The following COPA variants were observed in gnomAD, a reference collection of about 807,000 sequenced individuals.
COPA encodes the protein coat protein complex I subunit alpha.
COPA carries 10 observed loss-of-function variants against 158.7 expected under a neutral mutation model. The observed-to-expected ratio is 0.06, with a 90% CI of 0.04 to 0.11. COPA has a LOEUF of 0.11. Ranked by LOEUF, COPA falls within the 10% of genes least tolerant of loss-of-function variation. The probability of loss-of-function intolerance (pLI) is 1.00; values close to 1 mark genes in which losing one functional copy is unlikely to be tolerated. For missense variants in COPA, 1,065 were observed against 1,536.7 expected (o/e 0.69, Z 5.13); for synonymous variants, 462 against 542.8 (o/e 0.85, Z 2.07).
intron 15 of COPA, 91 bp from the exon 16 acceptor site, chr1:160,305,864 A>C: frequency 2.0e-6 from 2 of 997,246 alleles, no homozygotes; most frequent in Non-Finnish European, 3.2e-6. Flanking sequence ...TAATTAATGT[A>C]AACCCCAATT....
intron 25 of COPA, among the ~76,000 whole-genome samples, chr1:160,293,951 A>G (rs1426045370): frequency 6.6e-6 from 1 of 152,224 alleles, no homozygotes; most frequent in Admixed American, 6.5e-5. Flanking sequence ...ACAAAATGAC[A>G]TATCAAAAAC....
chr1:160,299,867 T>C (rs1202098656), intron 17 of COPA, among the ~76,000 whole-genome samples: 1 of 151,910 alleles, frequency 6.6e-6, no homozygotes, highest in Non-Finnish European at 1.5e-5. Context: ...AAGAAAATAA[T>C]GAAGCCAATA....
Position 160,305,716 on chromosome 1 carries a change from C to G in COPA, c.1500G>C (p.Met500Ile), listed in dbSNP as rs753713949. ...KVKYVIWSAD[M>I]SHVALLAKHA... ...GTTTGGCTAGTAGTGCTACATGTGA[C>G]ATGTCTGCTGACCAGATAACGTATT... Residue 500 changes from methionine to isoleucine, a missense_variant, in exon 16 of 33, where the codon ATG (methionine) becomes ATC (isoleucine). Around this residue, in one of 2 missense-constraint regions of COPA, gnomAD observed 980 missense variants for 1,357.8 expected, o/e 0.72. Coordinates refer to ENST00000241704, the MANE Select transcript of COPA (RefSeq NM_004371.4). The G allele has an allele frequency of 6.2e-7, 1 of 1,614,178 alleles. No homozygotes were observed. The highest frequency in any genetic ancestry group is 1.1e-5 in the South Asian group (1 of 91,076).
At chr1:160,326,922 C>A (rs1265279833) in intron 6 of COPA, among the ~76,000 whole-genome samples, 5 of 152,144 alleles carry the variant, frequency 3.3e-5, no homozygotes, top group Non-Finnish European at 5.9e-5. Flanking sequence ...ACATATATGG[C>A]TCAAGTAAAT....
Position 160,292,456 on chromosome 1 carries a change from G to T in COPA, c.2960+28C>A, listed in dbSNP as rs376445348. 19 of 1,612,882 alleles carry T rather than the reference G, an allele frequency of 1.2e-5. No homozygotes were observed. The African/African-American group carries it at 2.0e-4, about 17-fold the overall frequency. Reference sequence around the variant, plus strand: ...GAAATATCGACCACAACTTGGAACAGATGAAAGCAAAGAGAAAAGGGCCTT... The same window carrying T: ...GAAATATCGACCACAACTTGGAACATATGAAAGCAAAGAGAAAAGGGCCTT... On this transcript the variant is annotated intron_variant, in intron 28 of 32. Transcript: ENST00000241704.
rs74125578 is a variant in COPA, at chr1:160,311,939, A to G, written c.1005T>C (p.Tyr335=). 3,483 of 1,614,112 alleles carry G rather than the reference A, an allele frequency of 2.2e-3. 70 individuals carry two copies. The African/African-American group carries it at 0.04, about 18-fold the overall frequency. ...GCTGTCGTAAGAATCGGTCCTTGAC[A>G]TAGTGTAGCATATTGCCATGAACAG... ...AYAVHGNMLH[Y]VKDRFLRQLD... Residue 335 remains tyrosine, a synonymous_variant, in exon 11 of 33, where the codon TAT becomes TAC. Coordinates refer to ENST00000241704, the MANE Select transcript of COPA (RefSeq NM_004371.4).
At chr1:160,342,737 G>A (rs997316343) in intron 1 of COPA, among the ~76,000 whole-genome samples, 2 of 152,160 alleles carry the variant, frequency 1.3e-5, no homozygotes, top group African/African-American at 4.8e-5. Context: ...ACTGACTCGG[G>A]TGCGAGTAAC....
intron 2 of COPA, 45 bp downstream of exon 2, chr1:160,340,136 T>C: frequency 6.6e-7 from 1 of 1,509,006 alleles, no homozygotes; most frequent in Non-Finnish European, 9.2e-7. Flanking sequence ...CCCAGGATAT[T>C]ATAAATACTT....
chr1:160,333,279 C>G (rs1330832245), intron 5 of COPA, among the ~76,000 whole-genome samples: 2 of 152,216 alleles, frequency 1.3e-5, no homozygotes, highest in African/African-American at 4.8e-5. Context: ...ATGTAAAGCT[C>G]CAGCTCCAAA....
Position 160,299,114 on chromosome 1 carries a change from T to G in COPA, c.1818A>C (p.Arg606Ser). ...EFKFKLALIN[R>S]KYDEVLHMVR... ...CCTCACTTCATACCTCATCATATTT[T>G]CTGTTGATCAGGGCCAGCTTGAATT... is the stretch of plus-strand genomic sequence containing the variant. Residue 606 changes from arginine (R) to serine (S), a missense_variant, in exon 18 of 33, where the codon AGA becomes AGC. Coordinates refer to ENST00000241704, the MANE Select transcript of COPA (RefSeq NM_004371.4). 1 of 1,614,096 alleles carries G rather than the reference T, an allele frequency of 6.2e-7. No individual in the cohort carries two copies. The highest frequency in any genetic ancestry group is 8.5e-7 in the Non-Finnish European group (1 of 1,179,958).
At chr1:160,312,070 A>C (rs751877102) in intron 10 of COPA, 52 bp from the exon 11 acceptor site, 4 of 1,591,410 alleles carry the variant, frequency 2.5e-6, no homozygotes, top group Non-Finnish European at 1.7e-6. Flanking sequence ...CAAGAAAAAA[A>C]CCTGGAAATT....
At chr1:160,330,764 CCAAA>C (rs1438374755) in intron 6 of COPA, among the ~76,000 whole-genome samples, 3 of 152,142 alleles carry the variant, frequency 2.0e-5, no homozygotes, top group African/African-American at 4.8e-5. Flanking sequence ...TTACAAAGAA[CCAAA>C]CAAAGATCTA....
Position 160,290,090 on chromosome 1 carries a change from A to C in COPA, c.*67T>G. ...AGCTGCAGGGGGAAGGTGCTGTTAG[A>C]AGGAGGATATAGACACATTCTCTGG... is the stretch of plus-strand genomic sequence containing the variant. On this transcript the variant is annotated 3_prime_UTR_variant, in exon 33 of 33. Transcript: ENST00000241704. The C allele has an allele frequency of 1.4e-6, 2 of 1,435,576 alleles. No homozygotes were observed. Among genetic ancestry groups the C allele is most frequent in the African/African-American group, 1.4e-5 (1 of 71,212 alleles). 88.9% of individuals were successfully genotyped at this position (1,435,576 alleles called of 1,614,324 possible).
At chr1:160,294,616 A>T (rs1658341395) in intron 24 of COPA, 23 bp from the exon 25 acceptor site, 1 of 1,612,990 alleles carries the variant, frequency 6.2e-7, no homozygotes, top group Admixed American at 1.7e-5. Context: ...TTCAAGCTCA[A>T]AACAGATTTG....
In COPA at chr1:160,312,034, A is replaced by T; in HGVS notation, c.926-16T>A. On this transcript the variant is annotated splice_polypyrimidine_tract_variant and intron_variant, in intron 10 of 32. Transcript: ENST00000241704. ...CCATCATGGCCTGGGGGACAGGGAG[A>T]GGAGGAGAAAAAATTAAGCTGTAGG... 1 of 1,608,552 alleles carries T rather than the reference A, an allele frequency of 6.2e-7. No individual in the cohort carries two copies. The highest frequency in any genetic ancestry group is 8.5e-7 in the Non-Finnish European group (1 of 1,176,706).
chr1:160,306,566 T>C (rs1012935697), intron 14 of COPA, 73 bp from the exon 15 acceptor site: 12 of 1,575,836 alleles, frequency 7.6e-6, no homozygotes, highest in Non-Finnish European at 1.0e-5. Context: ...ATGATGTTCC[T>C]CAGCAATTGT....
intron 8 of COPA, chr1:160,317,711 TC>T: frequency 7.0e-7 from 1 of 1,427,190 alleles, no homozygotes; most frequent in South Asian, 1.2e-5. Context: ...GTTTAGATAT[TC>T]TTTTTATTTT....
intron 25 of COPA, among the ~76,000 whole-genome samples, chr1:160,293,816 C>G (rs142082788): frequency 3.6e-4 from 55 of 152,002 alleles, no homozygotes; most frequent in African/African-American, 1.3e-3. Flanking sequence ...ATTTTTTAAG[C>G]CATTCAAGCA....
Position 160,292,073 on chromosome 1 carries a change from A to T in COPA, c.3086T>A (p.Phe1029Tyr). 6.2e-7 allele frequency: 1 copy of T among 1,614,170 alleles called. No homozygotes were observed. Among genetic ancestry groups the T allele is most frequent in the East Asian group, 2.2e-5 (1 of 44,878 alleles). Residue 1029 changes from phenylalanine (F) to tyrosine (Y), a missense_variant, in exon 29 of 33, where the codon TTC (phenylalanine) becomes TAC (tyrosine). Physicochemically the swap from Phe to Tyr is conservative, Grantham distance 22. This residue lies in a region of COPA where 980 missense variants were observed against 1,357.8 expected (regional missense o/e 0.72). Transcript: ENST00000241704. ...TGGCACACTGAGAAGGATGGAACGG[A>T]ATTTTTCCACAGCCTCCTCAAATTT... Reference protein sequence around the residue: ...VGKFEEAVEKFRSILLSVPLL... With the variant: ...VGKFEEAVEKYRSILLSVPLL...
Sources: gnomAD v4.1 joint callset for allele counts (sites outside exome capture counted in the v4.1 genomes callset) on GRCh38, gnomAD v4.1.1 for gene constraint, gnomAD v4.1.1 regional missense constraint, MANE v1.5 for transcripts, NCBI Gene and HGNC (gene_info 2026-07-23, HGNC 2026-07-21) for gene names.